CRBN: variants seen among roughly 807,000 people sequenced by gnomAD.
CRBN encodes cereblon.
Under a neutral mutation model 62.2 loss-of-function variants are expected in CRBN, and 53 were observed. That is an observed-to-expected ratio of 0.85 (90% CI 0.68 to 1.07). The LOEUF is 1.07. Ranked by LOEUF, CRBN falls within the 50% of genes least tolerant of loss-of-function variation. The pLI is 0.00. For missense variants in CRBN, 616 were observed against 531.1 expected (o/e 1.16, Z -1.57); for synonymous variants, 208 against 176.1 (o/e 1.18, Z -1.43).
At chr3:3,177,009 G>C (rs536784531) in intron 1 of CRBN, among the ~76,000 whole-genome samples, 1 of 152,144 alleles carries the variant, frequency 6.6e-6, no homozygotes, top group Non-Finnish European at 1.5e-5. Flanking sequence ...CCCCTCAGGG[G>C]ATATTGGTTG....
chr3:3,156,005 T>C (rs1050185517), intron 6 of CRBN: 2 of 527,312 alleles, frequency 3.8e-6, no homozygotes, highest in African/African-American at 3.8e-5. Flanking sequence ...GGTTTCACCA[T>C]GTTGCCCAGG....
intron 1 of CRBN, among the ~76,000 whole-genome samples, chr3:3,178,217 T>C (rs1161326172): frequency 1.3e-5 from 2 of 152,130 alleles, no homozygotes; most frequent in East Asian, 1.9e-4. Flanking sequence ...CAGCTTTCCA[T>C]CAAAGGCTGG....
In CRBN at chr3:3,152,432, A is replaced by G. The variant is rs767479514; in HGVS notation, c.1148+24T>C. 20 of 1,602,688 alleles carry G rather than the reference A, an allele frequency of 1.2e-5. 1 individual carries two copies. The South Asian group carries it at 2.2e-4, about 17-fold the overall frequency. ...AATTAAGGTAAAAAAAGAAAAAAAA[A>G]AGCAACCACCACCATAATATTACCC... On this transcript the variant is annotated intron_variant, in intron 10 of 10. Transcript: ENST00000231948.
At chr3:3,149,682 A>G (rs1288198807), downstream of CRBN, 1 of 152,146 alleles carries the variant, frequency 6.6e-6, no homozygotes, top group Non-Finnish European at 1.5e-5. Flanking sequence ...CTTAGAAAAA[A>G]TAAGGCAGGG....
chr3:3,176,442 T>G (rs764455613), intron 1 of CRBN, among the ~76,000 whole-genome samples: 1 of 152,180 alleles, frequency 6.6e-6, no homozygotes, highest in Non-Finnish European at 1.5e-5. Flanking sequence ...CGCTACATTA[T>G]CTTAAAATGA....
intron 1 of CRBN, among the ~76,000 whole-genome samples, chr3:3,176,034 C>T (rs1707813491): frequency 6.6e-6 from 1 of 152,056 alleles, no homozygotes; most frequent in African/African-American, 2.4e-5. Context: ...AGTTCCTTTC[C>T]CCCCTCCTTT....
At chr3:3,158,240 G>C (rs1706987531) in intron 5 of CRBN, among the ~76,000 whole-genome samples, 1 of 152,178 alleles carries the variant, frequency 6.6e-6, no homozygotes, top group Admixed American at 6.5e-5. Context: ...AATAGGGTTT[G>C]CGCTCCTATA....
chr3:3,167,328 C>T (rs999859240), intron 5 of CRBN: 7 of 259,354 alleles, frequency 2.7e-5, no homozygotes, highest in Non-Finnish European at 5.2e-5. Context: ...ACTCAAGAGC[C>T]GAACATCTAA....
At chr3:3,157,672 T>C (rs1039162442) in intron 5 of CRBN, among the ~76,000 whole-genome samples, 3 of 152,114 alleles carry the variant, frequency 2.0e-5, no homozygotes, top group African/African-American at 7.2e-5. Flanking sequence ...GGGACTGAGC[T>C]GACAGCTGGA....
chr3:3,176,335 C>T (rs1372183350), intron 1 of CRBN, among the ~76,000 whole-genome samples: 2 of 152,166 alleles, frequency 1.3e-5, no homozygotes, highest in African/African-American at 2.4e-5. Flanking sequence ...AGAAAAGAAA[C>T]AAAGCAGGCA....
intron 4 of CRBN, chr3:3,172,207 T>C (rs1319620349): frequency 1.9e-5 from 3 of 153,948 alleles, no homozygotes; most frequent in Non-Finnish European, 4.3e-5. Context: ...TCATTTATTA[T>C]GTAAATAGCA....
At chr3:3,155,721 TA>T (rs1186344104) in intron 6 of CRBN, 1 of 155,680 alleles carries the variant, frequency 6.4e-6, no homozygotes, top group Non-Finnish European at 1.4e-5. Context: ...AACAGTAAAA[TA>T]TGGATGCTTT....
Position 3,177,572 on chromosome 3 carries a change from G to A in CRBN, c.67+2049C>T, listed in dbSNP as rs1482573961. On this transcript the variant is annotated intron_variant, in intron 1 of 10. Coordinates refer to ENST00000231948, the MANE Select transcript of CRBN (RefSeq NM_016302.4). Reference sequence around the variant, plus strand: ...ATTGTTTGTATTTCCAACTCTGACAGTATGGCTATCACTTGGCATGCAGCA... The same window carrying A: ...ATTGTTTGTATTTCCAACTCTGACAATATGGCTATCACTTGGCATGCAGCA... Among the ~76,000 whole-genome samples, 7 of 152,292 alleles carry A rather than the reference G, an allele frequency of 4.6e-5. No homozygotes were observed. In the East Asian group the frequency reaches 1.4e-3, roughly 29 times the overall value.
At chr3:3,151,677 T>C (rs962123678) in intron 10 of CRBN, among the ~76,000 whole-genome samples, 2 of 152,084 alleles carry the variant, frequency 1.3e-5, no homozygotes, top group Non-Finnish European at 2.9e-5. Flanking sequence ...TCACATAGGG[T>C]GCCAAGTAAG....
At chr3:3,168,854 T>C (rs1235415663) in intron 4 of CRBN, among the ~76,000 whole-genome samples, 2 of 152,182 alleles carry the variant, frequency 1.3e-5, no homozygotes. Flanking sequence ...AAAATTTGTC[T>C]ACATGACTTC....
chr3:3,152,012 A>G (rs1706592994), intron 10 of CRBN, among the ~76,000 whole-genome samples: 2 of 152,330 alleles, frequency 1.3e-5, no homozygotes, highest in African/African-American at 4.8e-5. Flanking sequence ...GAAAAAAACA[A>G]TTTTGGATTT....
intron 8 of CRBN, chr3:3,153,740 A>G (rs1172342276): frequency 3.2e-6 from 2 of 615,626 alleles, no homozygotes; most frequent in East Asian, 2.8e-5. Context: ...AACCTTGGAT[A>G]TTTCCATGCA....
chr3:3,156,492 T>C, intron 5 of CRBN: 2 of 566,732 alleles, frequency 3.5e-6, no homozygotes, highest in East Asian at 6.1e-5. Flanking sequence ...AACTAGAATC[T>C]TCATTCCTAT....
chr3:3,154,245 A>T, intron 7 of CRBN, 170 bp from the exon 8 acceptor site: 1 of 603,192 alleles, frequency 1.7e-6, no homozygotes, highest in South Asian at 2.0e-5. Flanking sequence ...CACTTTTCAG[A>T]AGCTCTAAAT....
Sources: allele counts gnomAD v4.1 joint callset (sites outside exome capture counted in the v4.1 genomes callset), GRCh38; gene constraint gnomAD v4.1.1; transcripts MANE v1.5; gene names NCBI Gene and HGNC (gene_info 2026-07-23, HGNC 2026-07-21).